MYO5B: variants seen among roughly 807,000 people sequenced by gnomAD.
MYO5B encodes myosin VB.
Under a neutral mutation model 229.3 loss-of-function variants are expected in MYO5B, and 143 were observed. That is an observed-to-expected ratio of 0.62 (90% CI 0.54 to 0.72). The LOEUF is 0.72. Among genes scored for constraint, MYO5B ranks in the 30% least tolerant of loss-of-function variants. The pLI, the probability that MYO5B is intolerant of heterozygous loss-of-function variation, is 0.00. For synonymous variants in MYO5B, 918 were observed against 885.2 expected (o/e 1.04, Z -0.66); for missense variants, 2,321 against 2,331.0 (o/e 1.00, Z 0.09).
chr18:50,125,373 G>A (rs1451000264), intron 1 of MYO5B, among the ~76,000 whole-genome samples: 1 of 135,396 alleles, frequency 7.4e-6, no homozygotes, highest in Non-Finnish European at 1.6e-5. Context: ...CCCTGTTGTG[G>A]GGTGGGGGGA....
intron 1 of MYO5B, among the ~76,000 whole-genome samples, chr18:50,188,530 T>C (rs796678632): frequency 1.3e-4 from 20 of 152,166 alleles, no homozygotes; most frequent in African/African-American, 4.3e-4. Context: ...AGATAAAGCA[T>C]CACATAAAAA....
chr18:50,120,685 T>C (rs1190360695), intron 1 of MYO5B, among the ~76,000 whole-genome samples: 1 of 152,130 alleles, frequency 6.6e-6, no homozygotes, highest in Non-Finnish European at 1.5e-5. Flanking sequence ...AGCTTCTTTG[T>C]ATGTGATATG....
intron 2 of MYO5B, among the ~76,000 whole-genome samples, chr18:50,052,456 C>G (rs2030420286): frequency 6.8e-6 from 1 of 147,210 alleles, no homozygotes; most frequent in African/African-American, 2.5e-5. Flanking sequence ...ATCACAAGGA[C>G]AAAAAACCAA....
At chr18:49,958,729 A>G (rs536959579) in intron 12 of MYO5B, among the ~76,000 whole-genome samples, 6 of 152,172 alleles carry the variant, frequency 3.9e-5, no homozygotes, top group African/African-American at 1.4e-4. Flanking sequence ...AATTACTGAA[A>G]TTAGGTTTCT....
chr18:50,033,160 T>C (rs780286385), intron 4 of MYO5B, among the ~76,000 whole-genome samples: 2 of 152,140 alleles, frequency 1.3e-5, no homozygotes, highest in Admixed American at 6.5e-5. Flanking sequence ...TTTCTCCACA[T>C]CCTTGCCAAC....
At chr18:50,173,072 T>C (rs1233423996) in intron 1 of MYO5B, among the ~76,000 whole-genome samples, 2 of 152,104 alleles carry the variant, frequency 1.3e-5, no homozygotes, top group Non-Finnish European at 2.9e-5. Flanking sequence ...AAGACCAGCC[T>C]GGCCAACACG....
intron 1 of MYO5B, among the ~76,000 whole-genome samples, chr18:50,185,605 T>C (rs1599087401): frequency 1.3e-5 from 2 of 152,364 alleles, no homozygotes; most frequent in Admixed American, 6.5e-5. Flanking sequence ...ATTTAATCAT[T>C]ATACATTGTA....
Position 50,022,593 on chromosome 18 carries a change from A to C in MYO5B, c.455+14257T>G, listed in dbSNP as rs1199989233. ...AGGATTTTTGGTTCTCATCATGATA[A>C]TTGTCTTGAAATCCTGCCTGCTGCC... On this transcript the variant is annotated intron_variant, in intron 4 of 39. Transcript: ENST00000285039. Among the ~76,000 whole-genome samples the C allele has an allele frequency of 2.0e-5, 3 of 152,164 alleles. No individual in the cohort carries two copies. In the East Asian group the frequency reaches 5.8e-4, roughly 29 times the overall value.
At chr18:50,056,464 G>T (rs2030552335) in intron 1 of MYO5B, among the ~76,000 whole-genome samples, 1 of 152,162 alleles carries the variant, frequency 6.6e-6, no homozygotes, top group Non-Finnish European at 1.5e-5. Context: ...TCATCTCATA[G>T]GTAGGCAACT....
chr18:50,092,576 G>A (rs2031470226), intron 1 of MYO5B, among the ~76,000 whole-genome samples: 1 of 152,034 alleles, frequency 6.6e-6, no homozygotes, highest in African/African-American at 2.4e-5. Context: ...AACTGTAAAA[G>A]GGTTATAAAG....
chr18:50,003,093 G>A (rs2026065215), intron 4 of MYO5B, among the ~76,000 whole-genome samples: 1 of 152,112 alleles, frequency 6.6e-6, no homozygotes, highest in South Asian at 2.1e-4. Context: ...GGCTGGAGGT[G>A]GGAGCCGAAG....
intron 1 of MYO5B, among the ~76,000 whole-genome samples, chr18:50,177,543 G>A (rs2144342845): frequency 6.6e-6 from 1 of 152,350 alleles, no homozygotes. Context: ...CAATCAGGCT[G>A]TCTCCTGTAA....
At chr18:50,007,245 C>T (rs562086845) in intron 4 of MYO5B, among the ~76,000 whole-genome samples, 2 of 152,320 alleles carry the variant, frequency 1.3e-5, no homozygotes, top group Admixed American at 1.3e-4. Context: ...CCAGTATCTA[C>T]TCATTCACTC....
intron 30 of MYO5B, among the ~76,000 whole-genome samples, chr18:49,853,973 C>G (rs565320406): frequency 6.6e-6 from 1 of 152,242 alleles, no homozygotes; most frequent in South Asian, 2.1e-4. Flanking sequence ...TGTCCATCAA[C>G]AGAAATACAT....
chr18:49,976,287 C>G (rs779575359), intron 9 of MYO5B, among the ~76,000 whole-genome samples: 14 of 152,300 alleles, frequency 9.2e-5, no homozygotes, highest in Non-Finnish European at 1.9e-4. Flanking sequence ...TCCCTTAACA[C>G]CATATCCCCA....
chr18:49,997,892 G>A (rs1395325245), intron 5 of MYO5B, among the ~76,000 whole-genome samples: 1 of 152,132 alleles, frequency 6.6e-6, no homozygotes, highest in Non-Finnish European at 1.5e-5. Flanking sequence ...TTTGTTGGGA[G>A]GTGCCATCCT....
chr18:50,140,022 G>C (rs955080428), intron 1 of MYO5B, among the ~76,000 whole-genome samples: 1 of 137,066 alleles, frequency 7.3e-6, no homozygotes, highest in Non-Finnish European at 1.6e-5. Flanking sequence ...ACAACCTAGG[G>C]GGAAAAAAAC....
intron 1 of MYO5B, among the ~76,000 whole-genome samples, chr18:50,136,960 A>G (rs144688786): frequency 6.6e-6 from 1 of 152,350 alleles, no homozygotes; most frequent in East Asian, 1.9e-4. Flanking sequence ...TATTATAGTC[A>G]CTAGTGGTAA....
chr18:49,897,966 A>G (rs1301180554), intron 21 of MYO5B, among the ~76,000 whole-genome samples: 1 of 152,072 alleles, frequency 6.6e-6, no homozygotes, highest in African/African-American at 2.4e-5. Flanking sequence ...TTTACACCAT[A>G]TTTTTATTAT....
Sources: gnomAD v4.1 joint callset for allele counts (sites outside exome capture counted in the v4.1 genomes callset) on GRCh38, gnomAD v4.1.1 for gene constraint, MANE v1.5 for transcripts, NCBI Gene and HGNC (gene_info 2026-07-23, HGNC 2026-07-21) for gene names.